The following TRMT11 variants were observed in gnomAD, a reference collection of about 807,000 sequenced individuals.
TRMT11 encodes tRNA (guanine(10)-N(2))-methyltransferase TRMT11.
A neutral mutation model predicts 62.8 loss-of-function variants in TRMT11; 53 were observed. The observed-to-expected ratio is 0.84, with a 90% CI of 0.68 to 1.06. The LOEUF (loss-of-function observed/expected upper bound fraction) is 1.06, where lower values mean the gene tolerates loss of function less well. TRMT11 is among the 50% of genes least tolerant of loss of function. The probability of loss-of-function intolerance (pLI) is 0.00; values close to 1 mark genes in which losing one functional copy is unlikely to be tolerated. For missense variants in TRMT11, 556 were observed against 553.4 expected (o/e 1.00, Z -0.05); for synonymous variants, 188 against 190.3 (o/e 0.99, Z 0.10).
intron 17 of TRMT11, among the ~76,000 whole-genome samples, chr6:126,077,901 T>A (rs1454619613): frequency 6.6e-6 from 1 of 152,138 alleles, no homozygotes; most frequent in African/African-American, 2.4e-5. Context: ...GAGTCAGAGA[T>A]CCTTCTGGGC....
intron 1 of TRMT11, among the ~76,000 whole-genome samples, chr6:126,184,050 A>G (rs1265745401): frequency 6.6e-6 from 1 of 152,168 alleles, no homozygotes; most frequent in Admixed American, 6.6e-5. Context: ...TAATGCCCTA[A>G]TATATCTTAT....
At chr6:126,113,007 CT>C (rs1445601398) in intron 18 of TRMT11, among the ~76,000 whole-genome samples, 1 of 151,992 alleles carries the variant, frequency 6.6e-6, no homozygotes, top group Admixed American at 6.6e-5. Flanking sequence ...CTTTTTGCAT[CT>C]GAGTGGACAG....
chr6:125,998,458 G>A, intron 5 of TRMT11, 92 bp from the exon 6 acceptor site: 1 of 1,390,040 alleles, frequency 7.2e-7, no homozygotes, highest in Non-Finnish European at 9.8e-7. Context: ...ATTTAATGTT[G>A]ACTCCAGGCT....
intron 17 of TRMT11, among the ~76,000 whole-genome samples, chr6:126,102,789 C>A (rs1294161807): frequency 6.6e-6 from 1 of 152,114 alleles, no homozygotes; most frequent in Non-Finnish European, 1.5e-5. Context: ...ATAATAATAG[C>A]AAACATGTAT....
At chr6:126,241,562 T>G in the TRMT11 span, among the ~76,000 whole-genome samples, 17,773 of 152,164 alleles carry the variant, frequency 0.12, 1,899 homozygotes, top group East Asian at 0.56. Context: ...ACTGGCAAAC[T>G]GAATCCAGCA....
chr6:126,207,579 G>C (rs1210831990), downstream of TRMT11, among the ~76,000 whole-genome samples: 1 of 152,158 alleles, frequency 6.6e-6, no homozygotes, highest in Non-Finnish European at 1.5e-5. Flanking sequence ...GATTATAACT[G>C]AAAGAGGCCT....
chr6:126,047,111 G>A (rs1465981584), intron 16 of TRMT11, among the ~76,000 whole-genome samples: 1 of 151,922 alleles, frequency 6.6e-6, no homozygotes, highest in African/African-American at 2.4e-5. Flanking sequence ...AAACAACTAA[G>A]TATTAGCTAC....
chr6:126,236,884 T>C, the TRMT11 span, among the ~76,000 whole-genome samples: 1 of 152,288 alleles, frequency 6.6e-6, no homozygotes, highest in East Asian at 1.9e-4. Context: ...CTCTACATGG[T>C]CTGCTGCAGG....
At chr6:126,217,262 A>G in the TRMT11 span, among the ~76,000 whole-genome samples, 2 of 152,158 alleles carry the variant, frequency 1.3e-5, no homozygotes, top group Admixed American at 1.3e-4. Context: ...TGGTGAGGTC[A>G]TGTTTTTCTG....
intron 17 of TRMT11, among the ~76,000 whole-genome samples, chr6:126,101,571 A>C (rs370434408): frequency 1.1e-4 from 16 of 152,186 alleles, no homozygotes; most frequent in South Asian, 2.1e-4. Context: ...ACATGCTCTT[A>C]TAGGCTTCAG....
At chr6:126,140,201 C>T (rs1777901834) in intron 21 of TRMT11, among the ~76,000 whole-genome samples, 1 of 151,642 alleles carries the variant, frequency 6.6e-6, no homozygotes, top group Admixed American at 6.6e-5. Flanking sequence ...TAGTATTGAA[C>T]CATCCTTGTA....
intron 16 of TRMT11, among the ~76,000 whole-genome samples, chr6:126,052,549 T>C (rs1035216072): frequency 2.6e-5 from 4 of 152,184 alleles, no homozygotes; most frequent in Admixed American, 6.5e-5. Flanking sequence ...CCAATTTCCC[T>C]CTGCCCCCCT....
chr6:126,225,751 C>T, the TRMT11 span, among the ~76,000 whole-genome samples: 1,127 of 135,780 alleles, frequency 8.3e-3, 16 homozygotes, highest in African/African-American at 0.029. Context: ...AGTGCAATGG[C>T]GCGATCTCGG....
chr6:126,148,956 A>G (rs538472503), intron 21 of TRMT11, among the ~76,000 whole-genome samples: 35 of 152,370 alleles, frequency 2.3e-4, no homozygotes, highest in African/African-American at 7.9e-4. Context: ...CTACAGACAG[A>G]TGCTATAAAC....
rs118041037 is a variant in TRMT11 at position 126,034,913 on chromosome 6, C to T, written c.1261-3792C>T. On this transcript the variant is annotated intron_variant, in intron 12 of 12. Transcript: ENST00000334379. ...AACTTGCAGATATTCCTGGTTGAGA[C>T]GCGCAGGGAATGTGAATAGAGAAGA... 6.5e-4 allele frequency among the ~76,000 whole-genome samples: 98 copies of T among 151,848 alleles called. 1 individual carries two copies. In the East Asian group the frequency reaches 0.017, roughly 26 times the overall value.
chr6:126,159,507 CCA>C (rs1249286924), intron 21 of TRMT11, among the ~76,000 whole-genome samples: 1 of 152,192 alleles, frequency 6.6e-6, no homozygotes, highest in Non-Finnish European at 1.5e-5. Context: ...AAGAACTTGG[CCA>C]CTGATCACTA....
At chr6:126,030,888 T>C (rs570242626) in intron 12 of TRMT11, among the ~76,000 whole-genome samples, 52 of 152,338 alleles carry the variant, frequency 3.4e-4, no homozygotes, top group African/African-American at 1.2e-3. Context: ...TGATGACCAT[T>C]GTTAGATATT....
chr6:126,195,219 G>A (rs1356228147), intron 1 of TRMT11, among the ~76,000 whole-genome samples: 1 of 152,138 alleles, frequency 6.6e-6, no homozygotes, highest in African/African-American at 2.4e-5. Context: ...CTTTTAAAAG[G>A]CATGTTTTTA....
the TRMT11 span, among the ~76,000 whole-genome samples, chr6:126,256,990 A>G: frequency 6.6e-6 from 1 of 151,938 alleles, no homozygotes; most frequent in African/African-American, 2.4e-5. Context: ...GTTTCTAGTG[A>G]TTCGTCTTCC....
Sources: gnomAD v4.1 joint callset for allele counts (sites outside exome capture counted in the v4.1 genomes callset) on GRCh38, gnomAD v4.1.1 for gene constraint, MANE v1.5 for transcripts, NCBI Gene and HGNC (gene_info 2026-07-23, HGNC 2026-07-21) for gene names.